The following ANKRD30B variants were observed in gnomAD, a reference collection of about 807,000 sequenced individuals.
ANKRD30B encodes ankyrin repeat domain-containing protein 30B.
A neutral mutation model predicts 202.2 loss-of-function variants in ANKRD30B; 144 were observed. The ratio of observed to expected loss-of-function variants is 0.71; its 90% CI spans 0.62 to 0.82. ANKRD30B has a LOEUF of 0.82. Among genes scored for constraint, ANKRD30B ranks in the 40% least tolerant of loss-of-function variants. The pLI is 0.00. For synonymous variants in ANKRD30B, 508 were observed against 561.3 expected, an observed-to-expected ratio of 0.91 and a Z score of 1.34; for missense variants, 1,487 against 1,669.1, an observed-to-expected ratio of 0.89 and a Z score of 1.90.
chr18:14,822,432 G>A (rs1970467561), intron 30 of ANKRD30B, 51 bp from the exon 31 acceptor site: 2 of 1,024,898 alleles, frequency 2.0e-6, no homozygotes, highest in Non-Finnish European at 3.0e-6. Flanking sequence ...ATGTTTGGTA[G>A]ACTTTGACAG....
Position 14,854,280 on chromosome 18 carries a change from C to T in ANKRD30B, c.*122C>T, listed in dbSNP as rs908646073. On this transcript the variant is annotated 3_prime_UTR_variant, in exon 44 of 44. Coordinates refer to ENST00000690538, the MANE Select transcript of ANKRD30B (RefSeq NM_001367607.2). ...AAAAGGTAAAATGAAAAGAAATAAC[C>T]AAAAATTTACTTCCCAAGATAGGAT... Among the ~76,000 whole-genome samples, 4 of 151,574 alleles carry T rather than the reference C, an allele frequency of 2.6e-5. No individual in the cohort carries two copies. Among genetic ancestry groups the T allele is most frequent in the African/African-American group, 9.7e-5 (4 of 41,212 alleles).
chr18:14,869,642 A>G, the ANKRD30B span, among the ~76,000 whole-genome samples: 1 of 151,866 alleles, frequency 6.6e-6, no homozygotes, highest in African/African-American at 2.4e-5. Flanking sequence ...GTCATTTATT[A>G]AATTTTTGTA....
At chr18:14,780,282 C>T (rs182033019) in intron 11 of ANKRD30B, among the ~76,000 whole-genome samples, 15 of 152,092 alleles carry the variant, frequency 9.9e-5, no homozygotes, top group African/African-American at 3.1e-4. Context: ...CCTGTCTGTA[C>T]TAAAAATACA....
chr18:14,839,309 G>C (rs1035052820), intron 36 of ANKRD30B, among the ~76,000 whole-genome samples: 1 of 152,140 alleles, frequency 6.6e-6, no homozygotes, highest in South Asian at 2.1e-4. Context: ...GGAATTCCAT[G>C]GTCAGAGTAG....
chr18:14,761,874 A>C (rs1259102576), intron 6 of ANKRD30B, among the ~76,000 whole-genome samples: 1 of 152,162 alleles, frequency 6.6e-6, no homozygotes, highest in Non-Finnish European at 1.5e-5. Flanking sequence ...TAGGGTGCTG[A>C]TCCCCCATGC....
intron 9 of ANKRD30B, among the ~76,000 whole-genome samples, chr18:14,777,186 A>C (rs1275494386): frequency 6.6e-6 from 1 of 152,222 alleles, no homozygotes; most frequent in African/African-American, 2.4e-5. Flanking sequence ...TGAAGATAAA[A>C]GGTAAGTGTG....
chr18:14,777,894 G>A, intron 9 of ANKRD30B, 91 bp from the exon 10 acceptor site: 2 of 847,988 alleles, frequency 2.4e-6, no homozygotes, highest in South Asian at 1.6e-5. Flanking sequence ...AGTAGGCCGA[G>A]ATCACACCAC....
At chr18:14,845,403 C>T (rs1371693762) in intron 39 of ANKRD30B, among the ~76,000 whole-genome samples, 1 of 152,170 alleles carries the variant, frequency 6.6e-6, no homozygotes, top group Non-Finnish European at 1.5e-5. Context: ...GGGTAATTTT[C>T]ACATTTCAAT....
chr18:14,809,888 A>T (rs1969807727), intron 26 of ANKRD30B, 98 bp from the exon 27 acceptor site: 1 of 1,161,204 alleles, frequency 8.6e-7, no homozygotes, highest in Non-Finnish European at 1.3e-6. Context: ...TTTTCAATCC[A>T]AGCATGAGGA....
intron 37 of ANKRD30B, 78 bp from the exon 38 acceptor site, chr18:14,842,819 A>T (rs570320637): frequency 7.1e-7 from 1 of 1,402,692 alleles, no homozygotes; most frequent in East Asian, 2.5e-5. Context: ...AAGGACTTAG[A>T]TACTATCACT....
At chr18:14,866,854 C>T in the ANKRD30B span, among the ~76,000 whole-genome samples, 1 of 151,938 alleles carries the variant, frequency 6.6e-6, no homozygotes, top group Non-Finnish European at 1.5e-5. Flanking sequence ...CGCTGTCGTG[C>T]ACTACCAGCG....
chr18:14,800,369 G>A (rs1225427682), intron 22 of ANKRD30B, among the ~76,000 whole-genome samples: 1 of 150,226 alleles, frequency 6.7e-6, no homozygotes. Flanking sequence ...GTCTTGCCCA[G>A]GCTGGAGAGC....
the ANKRD30B span, among the ~76,000 whole-genome samples, chr18:14,917,879 C>T: frequency 6.6e-6 from 1 of 152,246 alleles, no homozygotes. Context: ...ATTGCATGAT[C>T]ACCTTCTTCT....
intron 8 of ANKRD30B, among the ~76,000 whole-genome samples, chr18:14,769,618 A>G (rs1414541358): frequency 1.3e-5 from 2 of 152,240 alleles, no homozygotes. Context: ...GCTAAAAAGT[A>G]GCTGACCCTT....
the ANKRD30B span, among the ~76,000 whole-genome samples, chr18:14,908,933 C>G: frequency 1.3e-5 from 2 of 152,196 alleles, no homozygotes; most frequent in East Asian, 3.9e-4. Flanking sequence ...TGTCAGGACT[C>G]ACTGCCACTA....
At chr18:14,788,099 C>T (rs1425918594) in intron 15 of ANKRD30B, among the ~76,000 whole-genome samples, 2 of 152,178 alleles carry the variant, frequency 1.3e-5, no homozygotes, top group Non-Finnish European at 2.9e-5. Flanking sequence ...AAGTTCAAGA[C>T]AGACATCATT....
At chr18:14,917,726 C>T in the ANKRD30B span, among the ~76,000 whole-genome samples, 2 of 152,236 alleles carry the variant, frequency 1.3e-5, no homozygotes, top group Non-Finnish European at 2.9e-5. Context: ...TGAGACCTGG[C>T]ACAGCATGAG....
At chr18:14,796,887 T>TA (rs1249349792) in intron 18 of ANKRD30B, among the ~76,000 whole-genome samples, 1 of 152,178 alleles carries the variant, frequency 6.6e-6, no homozygotes, top group Non-Finnish European at 1.5e-5. Flanking sequence ...GATGAAGTAA[T>TA]TCTGTAACTA....
At chr18:14,862,848 C>T in the ANKRD30B span, among the ~76,000 whole-genome samples, 22 of 152,324 alleles carry the variant, frequency 1.4e-4, no homozygotes, top group South Asian at 1.7e-3. Flanking sequence ...GCCCTGGATG[C>T]GGGACATGAA....
Sources: gnomAD v4.1 joint callset for allele counts (sites outside exome capture counted in the v4.1 genomes callset) on GRCh38, gnomAD v4.1.1 for gene constraint, MANE v1.5 for transcripts, NCBI Gene and HGNC (gene_info 2026-07-23, HGNC 2026-07-21) for gene names.